Variants in ATG2B observed in about 807,000 individuals in gnomAD.
ATG2B encodes autophagy related 2B, also known as autophagy-related protein 2 homolog B.
A neutral mutation model predicts 241.3 loss-of-function variants in ATG2B; 121 were observed. The observed-to-expected ratio is 0.50, with a 90% CI of 0.43 to 0.58. The LOEUF is 0.58. Among genes scored for constraint, ATG2B ranks in the 20% least tolerant of loss-of-function variants. The pLI is 0.00. For missense variants in ATG2B, 2,306 were observed against 2,491.6 expected (o/e 0.93, Z 1.59); for synonymous variants, 858 against 876.6 (o/e 0.98, Z 0.37).
At position 96,284,301 on chromosome 14, in the gene ATG2B, G is replaced by A. The variant is rs1412267428; in HGVS notation, c.*1454C>T. The A allele has an allele frequency of 1.3e-5, 2 of 152,014 alleles. No individual in the cohort carries two copies. Among genetic ancestry groups the A allele is most frequent in the Non-Finnish European group, 2.9e-5 (2 of 68,010 alleles). 9.4% of individuals were successfully genotyped at this position (152,014 alleles called of 1,614,324 possible). On this transcript the variant is annotated 3_prime_UTR_variant, in exon 42 of 42. Coordinates refer to ENST00000359933, the MANE Select transcript of ATG2B (RefSeq NM_018036.7). ...ACGCTGTTGTCTTTTTAAGTTTTTT[G>A]GCAGTAAAAAGGAAACTAAAATTAA...
chr14:96,295,620 A>G, intron 34 of ATG2B, 60 bp from the exon 35 acceptor site: 1 of 1,151,442 alleles, frequency 8.7e-7, no homozygotes, highest in Admixed American at 2.2e-5. Flanking sequence ...TTCTAAAACT[A>G]TGAAACAAAG....
At position 96,294,970 on chromosome 14, in the gene ATG2B, C is replaced by A; in HGVS notation, c.5416G>T (p.Val1806Leu). 1 of 1,613,746 alleles carries A rather than the reference C, an allele frequency of 6.2e-7. No homozygotes were observed. The highest frequency in any genetic ancestry group is 1.3e-5 in the African/African-American group (1 of 75,028). The change falls in exon 36 of 42, where the codon GTG becomes TTG. Residue 1806 changes from valine (V) to leucine (L), a missense_variant. Physicochemically the swap from Val to Leu is conservative, Grantham distance 32. Transcript: ENST00000359933. ...AEEASFRDQP[V>L]FFREFRFTSE... ...AACTAAATTAGTTACCTAAAAAACACAGGCTGATCCCTAAAAGATGCTTCT... is the reference window on the plus strand; with the variant it reads ...AACTAAATTAGTTACCTAAAAAACAAAGGCTGATCCCTAAAAGATGCTTCT...
At chr14:96,287,071 C>T (rs1886354668) in intron 41 of ATG2B, among the ~76,000 whole-genome samples, 2 of 151,740 alleles carry the variant, frequency 1.3e-5, no homozygotes, top group Admixed American at 1.3e-4. Context: ...CTGGCTAACA[C>T]AGTGAAACCC....
chr14:96,294,633 A>C (rs1758405218), intron 36 of ATG2B, among the ~76,000 whole-genome samples: 1 of 152,238 alleles, frequency 6.6e-6, no homozygotes, highest in Non-Finnish European at 1.5e-5. Context: ...AAAAAGCAAA[A>C]GGATGATATC....
chr14:96,285,159 A>C lies in ATG2B; in HGVS notation c.*596T>G, dbSNP rs948284316. 1 of 152,594 alleles carries C rather than the reference A, an allele frequency of 6.6e-6. No individual in the cohort carries two copies. Among genetic ancestry groups the C allele is most frequent in the Non-Finnish European group, 1.5e-5 (1 of 68,280 alleles). 9.5% of individuals were successfully genotyped at this position (152,594 alleles called of 1,614,324 possible). A position where few individuals can be genotyped will look rare whatever the true frequency, so the allele number is the denominator to read the frequency against. On this transcript the variant is annotated 3_prime_UTR_variant, in exon 42 of 42. Transcript: ENST00000359933. The surrounding 1 kb of genome is among the most constrained non-coding windows in gnomAD (Gnocchi z 4.2). ...AACACATACACATAAACACAGGATA[A>C]AGTGCAACACAACAGAACATGTCTG...
chr14:96,322,309 T>A, intron 17 of ATG2B, 55 bp from the exon 18 acceptor site: 1 of 1,550,870 alleles, frequency 6.4e-7, no homozygotes, highest in Non-Finnish European at 8.7e-7. Context: ...AAAATAGTAG[T>A]AGCATCTTCT....
Position 96,290,362 on chromosome 14 carries a change from G to A in ATG2B, c.5856+74C>T, listed in dbSNP as rs946787159. On this transcript the variant is annotated intron_variant, in intron 40 of 41. Coordinates refer to ENST00000359933, the MANE Select transcript of ATG2B (RefSeq NM_018036.7). This position sits in a 1 kb window ranked among gnomAD's most constrained non-coding sequence, Gnocchi z 4.4. Reference sequence around the variant, plus strand: ...ACATTTTGTATATCTTCACAGTATCGTTTTAAAAACAAAAGGACCCAACCA... The same window carrying A: ...ACATTTTGTATATCTTCACAGTATCATTTTAAAAACAAAAGGACCCAACCA... 3.0e-5 allele frequency: 45 copies of A among 1,522,148 alleles called. No individual in the cohort carries two copies. The highest frequency in any genetic ancestry group is 1.8e-4 in the Middle Eastern group (1 of 5,470). 94.3% of individuals were successfully genotyped at this position (1,522,148 alleles called of 1,614,324 possible).
rs773728058 is a variant in ATG2B at position 96,311,625 on chromosome 14, T to G, written c.3914-7A>C. ...TCCATCACACGAACATAATCTAAAATTTTTAAAATTAAGAAAATCTCTTCA... is the reference window on the plus strand; with the variant it reads ...TCCATCACACGAACATAATCTAAAAGTTTTAAAATTAAGAAAATCTCTTCA... On this transcript the variant is annotated splice_polypyrimidine_tract_variant and splice_region_variant and intron_variant, in intron 26 of 41. Coordinates refer to ENST00000359933, the MANE Select transcript of ATG2B (RefSeq NM_018036.7). 11 of 1,597,224 alleles carry G rather than the reference T, an allele frequency of 6.9e-6. No homozygotes were observed. In the East Asian group the frequency reaches 1.3e-4, roughly 20 times the overall value.
intron 16 of ATG2B, 137 bp from the exon 17 acceptor site, chr14:96,322,872 G>C: frequency 1.4e-6 from 1 of 704,340 alleles, no homozygotes. Flanking sequence ...GTCTAATTAT[G>C]TCTAAGGTAA....
At chr14:96,342,717 C>CAA (rs11290481) in intron 5 of ATG2B, among the ~76,000 whole-genome samples, 25 of 103,032 alleles carry the variant, frequency 2.4e-4, no homozygotes, top group African/African-American at 7.6e-4. Flanking sequence ...AGACTCTCTC[C>CAA]AAAAAAAAAA....
At chr14:96,291,054 G>A (rs1886470851) in intron 38 of ATG2B, 119 bp from the exon 39 acceptor site, 2 of 816,038 alleles carry the variant, frequency 2.5e-6, no homozygotes, top group South Asian at 2.2e-5. Context: ...AATATTACAG[G>A]TGCTTCAAAA....
In ATG2B at chr14:96,333,876, A is replaced by G. The variant is rs1271385466; in HGVS notation, c.1022-3T>C. On this transcript the variant is annotated splice_region_variant and splice_polypyrimidine_tract_variant and intron_variant, in intron 7 of 41. Transcript: ENST00000359933. ...TAACCCTATTTTGCTAGAATTTTCT[A>G]TAAGCATACAAAAGGAAACCAAAAC... 2 of 1,612,278 alleles carry G rather than the reference A, an allele frequency of 1.2e-6. No individual in the cohort carries two copies.
chr14:96,355,521 T>C (rs1308888988), intron 1 of ATG2B, among the ~76,000 whole-genome samples: 4 of 152,152 alleles, frequency 2.6e-5, no homozygotes, highest in Non-Finnish European at 2.9e-5. Context: ...AAATCCTTAA[T>C]TTCCAAGTCT....
chr14:96,315,622 A>G (rs769318403), intron 21 of ATG2B, 39 bp from the exon 22 acceptor site: 19 of 1,488,384 alleles, frequency 1.3e-5, no homozygotes, highest in Middle Eastern at 1.7e-4. Flanking sequence ...TAACAAAATG[A>G]TTACTTGAAA....
intron 34 of ATG2B, among the ~76,000 whole-genome samples, chr14:96,298,455 G>A (rs148085872): frequency 1.1e-3 from 165 of 152,260 alleles, no homozygotes; most frequent in African/African-American, 3.9e-3. Flanking sequence ...AAGTGAAAAC[G>A]TATGCCCATA....
rs1886278132 is a variant in ATG2B, at chr14:96,284,286, CTTT to C, written c.*1466_*1468del. 1 of 152,092 alleles carries C rather than the reference CTTT, an allele frequency of 6.6e-6. No homozygotes were observed. Among genetic ancestry groups the C allele is most frequent in the Non-Finnish European group, 1.5e-5 (1 of 68,010 alleles). The allele number at this position is 152,092 out of a possible 1,614,324, so 9.4% of individuals were successfully genotyped here. On this transcript the variant is annotated 3_prime_UTR_variant, in exon 42 of 42. Coordinates refer to ENST00000359933, the MANE Select transcript of ATG2B (RefSeq NM_018036.7). ...CTTAAACAGGTGGTTACGCTGTTGT[CTTT>C]TTAAGTTTTTTGGCAGTAAAAAGGA...
chr14:96,360,485 T>C (rs901981919), intron 1 of ATG2B, among the ~76,000 whole-genome samples: 1 of 152,254 alleles, frequency 6.6e-6, no homozygotes, highest in Non-Finnish European at 1.5e-5. Flanking sequence ...TCATTATCTA[T>C]ATAGTTTACA....
chr14:96,344,580 C>T, intron 4 of ATG2B, 74 bp downstream of exon 4: 3 of 748,982 alleles, frequency 4.0e-6, no homozygotes, highest in Non-Finnish European at 6.5e-6. Flanking sequence ...TAGCTCTAAT[C>T]TCCAAAACCT....
intron 15 of ATG2B, 139 bp from the exon 16 acceptor site, chr14:96,324,137 G>A: frequency 1.6e-6 from 1 of 611,286 alleles, no homozygotes; most frequent in Non-Finnish European, 2.8e-6. Flanking sequence ...CTGGTTTCAT[G>A]TGCACGTGTG....
Sources: allele counts gnomAD v4.1 joint callset (sites outside exome capture counted in the v4.1 genomes callset), GRCh38; gene constraint gnomAD v4.1.1; non-coding constraint Gnocchi (gnomAD v3.1); transcripts MANE v1.5; gene names NCBI Gene and HGNC (gene_info 2026-07-23, HGNC 2026-07-21).